CLNK: variants seen among roughly 807,000 people sequenced by gnomAD.
The protein encoded by CLNK is cytokine dependent hematopoietic cell linker, also known as cytokine-dependent hematopoietic cell linker.
A neutral mutation model predicts 68.6 loss-of-function variants in CLNK; 74 were observed. That is an observed-to-expected ratio of 1.08 (90% CI 0.89 to 1.31). The LOEUF is 1.31. Ranked by LOEUF, CLNK falls within the 50% of genes most tolerant of loss-of-function variation. CLNK has a pLI of 0.00. For synonymous variants in CLNK, 198 were observed against 172.2 expected (o/e 1.15, Z -1.17); for missense variants, 553 against 515.3 (o/e 1.07, Z -0.71).
intron 1 of CLNK, among the ~76,000 whole-genome samples, chr4:10,675,270 C>T (rs1160524650): frequency 6.6e-6 from 1 of 152,110 alleles, no homozygotes; most frequent in African/African-American, 2.4e-5. Context: ...AACATACATT[C>T]GATTTGGGCA....
intron 4 of CLNK, among the ~76,000 whole-genome samples, chr4:10,579,728 G>A (rs1035825419): frequency 1.3e-5 from 2 of 152,200 alleles, no homozygotes; most frequent in Non-Finnish European, 2.9e-5. Flanking sequence ...CCCAAACTTG[G>A]TGATTCCCAC....
the CLNK span, among the ~76,000 whole-genome samples, chr4:10,698,364 G>T: frequency 6.6e-6 from 1 of 152,182 alleles, no homozygotes; most frequent in Admixed American, 6.5e-5. Context: ...TTTGACCCTT[G>T]TACCTGGTGA....
chr4:10,531,010 G>A (rs2286465), intron 12 of CLNK, among the ~76,000 whole-genome samples: 91,550 of 152,132 alleles, frequency 0.6, 29,409 homozygotes, highest in Non-Finnish European at 0.73. Context: ...TAAATGTCTC[G>A]TTTGAGTGAC....
chr4:10,532,016 C>T (rs1232080926), intron 12 of CLNK, among the ~76,000 whole-genome samples: 1 of 152,198 alleles, frequency 6.6e-6, no homozygotes, highest in Non-Finnish European at 1.5e-5. Context: ...CACGTTCTTC[C>T]TATAACAAAT....
intron 4 of CLNK, among the ~76,000 whole-genome samples, chr4:10,574,907 C>T (rs1024154132): frequency 3.9e-5 from 6 of 152,178 alleles, no homozygotes; most frequent in Non-Finnish European, 7.3e-5. Context: ...CAGTCAATCA[C>T]GACCCTCTCA....
chr4:10,655,285 T>C (rs1723926604), intron 2 of CLNK, among the ~76,000 whole-genome samples: 1 of 149,980 alleles, frequency 6.7e-6, no homozygotes, highest in Non-Finnish European at 1.5e-5. Context: ...ATTTATCTTC[T>C]AAGTTATCTG....
chr4:10,706,698 T>C, the CLNK span, among the ~76,000 whole-genome samples: 3 of 152,290 alleles, frequency 2.0e-5, no homozygotes, highest in Admixed American at 1.3e-4. Context: ...ACAAGGAGAA[T>C]TCTGTGGTCT....
At chr4:10,548,561 C>A (rs1362428200) in intron 8 of CLNK, among the ~76,000 whole-genome samples, 1 of 152,128 alleles carries the variant, frequency 6.6e-6, no homozygotes, top group Non-Finnish European at 1.5e-5. Context: ...TGGTCTCATA[C>A]CCAAAAAGTC....
At chr4:10,499,802 G>A (rs865811511) in intron 18 of CLNK, among the ~76,000 whole-genome samples, 3 of 152,194 alleles carry the variant, frequency 2.0e-5, no homozygotes, top group Middle Eastern at 6.8e-3. Context: ...GCAGATGGTC[G>A]ACCCTTCCCA....
chr4:10,617,586 T>C (rs1722285755), intron 2 of CLNK, among the ~76,000 whole-genome samples: 1 of 152,226 alleles, frequency 6.6e-6, no homozygotes, highest in Admixed American at 6.5e-5. Context: ...GGCAATGAAA[T>C]AATAGTCAAT....
chr4:10,725,044 T>C, the CLNK span, among the ~76,000 whole-genome samples: 1 of 152,178 alleles, frequency 6.6e-6, no homozygotes, highest in African/African-American at 2.4e-5. Context: ...GGTTTGTCTC[T>C]GACCTTCTAT....
intron 1 of CLNK, among the ~76,000 whole-genome samples, chr4:10,669,465 G>A (rs1483760743): frequency 1.3e-5 from 2 of 152,158 alleles, no homozygotes; most frequent in East Asian, 1.9e-4. Flanking sequence ...CCAAGCAAAT[G>A]GAGCATCATG....
the CLNK span, among the ~76,000 whole-genome samples, chr4:10,716,776 C>T: frequency 6.8e-6 from 1 of 146,900 alleles, no homozygotes; most frequent in Non-Finnish European, 1.5e-5. Flanking sequence ...TCACTGCAAC[C>T]TCTGCCTCCT....
In CLNK at chr4:10,524,147, G is replaced by T. The variant is rs146004042; in HGVS notation, c.731+1694C>A. On this transcript the variant is annotated intron_variant, in intron 14 of 18. Coordinates refer to ENST00000226951, the MANE Select transcript of CLNK (RefSeq NM_052964.4). ...ATATTGTGGTATGGGGAAGAGTTTT[G>T]TATTTAAGCTGTTTGGGACTTAAAC... Among the ~76,000 whole-genome samples, 216 of 151,926 alleles carry T rather than the reference G, an allele frequency of 1.4e-3. 2 individuals are homozygous for T. Among genetic ancestry groups the T allele is most frequent in the African/African-American group, 5.0e-3 (208 of 41,414 alleles).
At chr4:10,602,767 C>A (rs187001629) in intron 2 of CLNK, among the ~76,000 whole-genome samples, 6 of 152,174 alleles carry the variant, frequency 3.9e-5, no homozygotes, top group African/African-American at 1.4e-4. Context: ...GACTCCCATC[C>A]AAACACAGGC....
rs115153647 is a variant in CLNK at position 10,501,073 on chromosome 4, C to G, written c.1140+183G>C. Among the ~76,000 whole-genome samples, 863 of 152,302 alleles carry G rather than the reference C, an allele frequency of 5.7e-3. 11 individuals are homozygous for G. The highest frequency in any genetic ancestry group is 0.02 in the African/African-American group (819 of 41,556). On this transcript the variant is annotated intron_variant, in intron 18 of 18. Transcript: ENST00000226951. ...ATGGGGGTGCATGAAATGGTCAGAA[C>G]TGGTCGCTGGCCTGGTAGGCCAAAG...
intron 15 of CLNK, 54 bp downstream of exon 15, chr4:10,520,737 T>C (rs375483487): frequency 7.3e-7 from 1 of 1,363,470 alleles, no homozygotes. Flanking sequence ...AGTGCCACAA[T>C]ATCACAGTAT....
intron 3 of CLNK, among the ~76,000 whole-genome samples, chr4:10,597,260 A>G (rs1026881887): frequency 6.6e-6 from 1 of 152,158 alleles, no homozygotes; most frequent in African/African-American, 2.4e-5. Context: ...CACCCCAGGA[A>G]GGCTTGGCCA....
chr4:10,539,892 G>C (rs189736694), intron 11 of CLNK, among the ~76,000 whole-genome samples: 33 of 152,266 alleles, frequency 2.2e-4, no homozygotes, highest in African/African-American at 7.5e-4. Context: ...TCTGGCATTT[G>C]ACATTTTCTT....
Sources: gnomAD v4.1 joint callset for allele counts (sites outside exome capture counted in the v4.1 genomes callset) on GRCh38, gnomAD v4.1.1 for gene constraint, MANE v1.5 for transcripts, NCBI Gene and HGNC (gene_info 2026-07-23, HGNC 2026-07-21) for gene names.